PPIL4: variants seen among roughly 807,000 people sequenced by gnomAD.
PPIL4 encodes the protein peptidyl-prolyl cis-trans isomerase-like 4.
A neutral mutation model predicts 69.1 loss-of-function variants in PPIL4; 50 were observed. The observed-to-expected ratio is 0.72, with a 90% CI of 0.58 to 0.92. The LOEUF is 0.92. Among genes scored for constraint, PPIL4 ranks in the 40% least tolerant of loss-of-function variants. The pLI is 0.00. For synonymous variants in PPIL4, 193 were observed against 191.6 expected, an observed-to-expected ratio of 1.01 and a Z score of -0.06; for missense variants, 480 against 587.9, an observed-to-expected ratio of 0.82 and a Z score of 1.90.
At chr6:149,521,364 T>C (rs1472352425) in intron 9 of PPIL4, among the ~76,000 whole-genome samples, 193 bp from the exon 10 acceptor site, 1 of 152,212 alleles carries the variant, frequency 6.6e-6, no homozygotes, top group Admixed American at 6.5e-5. Flanking sequence ...GTACTATCCA[T>C]TTTCTTAATG....
rs1562263112 is a variant in PPIL4 at position 149,541,357 on chromosome 6, A to G, written c.203+10T>C. On this transcript the variant is annotated intron_variant, in intron 3 of 12. Coordinates refer to ENST00000253329, the MANE Select transcript of PPIL4 (RefSeq NM_139126.4). ...AATAAATAAATAAATAAATAAATAAAACAACTTACCCAAAGATAGACTCTC... is the reference window on the plus strand; with the variant it reads ...AATAAATAAATAAATAAATAAATAAGACAACTTACCCAAAGATAGACTCTC... 8.1e-7 allele frequency: 1 copy of G among 1,230,058 alleles called. No homozygotes were observed. The highest frequency in any genetic ancestry group is 1.1e-6 in the Non-Finnish European group (1 of 929,264). The allele number at this position is 1,230,058 out of a possible 1,614,324, so 76.2% of individuals were successfully genotyped here.
chr6:149,540,874 A>C (rs897742942), intron 4 of PPIL4, 68 bp downstream of exon 4: 4 of 984,386 alleles, frequency 4.1e-6, no homozygotes, highest in Non-Finnish European at 6.3e-6. Context: ...AGTTTAAAAA[A>C]TAACTCTGTG....
At chr6:149,533,334 A>T in intron 7 of PPIL4, 124 bp downstream of exon 7, 1 of 616,954 alleles carries the variant, frequency 1.6e-6, no homozygotes, top group Non-Finnish European at 2.8e-6. Context: ...TACCAAATTT[A>T]AATCAGAAAA....
At chr6:149,506,068 G>A (rs892370425) in intron 12 of PPIL4, among the ~76,000 whole-genome samples, 1 of 152,020 alleles carries the variant, frequency 6.6e-6, no homozygotes, top group Non-Finnish European at 1.5e-5. Flanking sequence ...CCCCCAAAAC[G>A]TGGTCCCATT....
rs768522278 is a variant in PPIL4, at chr6:149,534,651, A to G, written c.561+27T>C. ...ATACAAATCATTAATATGAATGTAC[A>G]TTTAATCATAAGAGGGCTTTACTTA... On this transcript the variant is annotated intron_variant, in intron 6 of 12. Coordinates refer to ENST00000253329, the MANE Select transcript of PPIL4 (RefSeq NM_139126.4). 8.6e-5 allele frequency: 97 copies of G among 1,128,916 alleles called. No individual in the cohort carries two copies. The South Asian group carries it at 1.2e-3, about 14-fold the overall frequency. 69.9% of individuals were successfully genotyped at this position (1,128,916 alleles called of 1,614,324 possible).
In PPIL4 at chr6:149,536,405, G is replaced by A. The variant is rs140112026; in HGVS notation, c.322-667C>T. ...AGGCACGTTGAAAGCCAAGATAAGCGGAAAGCTAGGCCTCTAGTACCAAAC... is the reference window on the plus strand; with the variant it reads ...AGGCACGTTGAAAGCCAAGATAAGCAGAAAGCTAGGCCTCTAGTACCAAAC... On this transcript the variant is annotated intron_variant, in intron 4 of 12. Coordinates refer to ENST00000253329, the MANE Select transcript of PPIL4 (RefSeq NM_139126.4). 3.1e-4 allele frequency among the ~76,000 whole-genome samples: 47 copies of A among 152,304 alleles called. 1 individual carries two copies. The East Asian group carries it at 7.1e-3, about 23-fold the overall frequency.
rs576855533 is a variant in PPIL4, at chr6:149,514,837, T to A, written c.1079+2517A>T. Reference sequence around the variant, plus strand: ...TTGGGTTAAGACAAAAACTGTATTTTTTTTAATTTTTTTTTTGAGACGGAG... The same window carrying A: ...TTGGGTTAAGACAAAAACTGTATTTATTTTAATTTTTTTTTTGAGACGGAG... On this transcript the variant is annotated intron_variant, in intron 11 of 12. Coordinates refer to ENST00000253329, the MANE Select transcript of PPIL4 (RefSeq NM_139126.4). Among the ~76,000 whole-genome samples the A allele has an allele frequency of 5.1e-3, 770 of 152,076 alleles. 5 individuals are homozygous for A. The highest frequency in any genetic ancestry group is 0.017 in the African/African-American group (698 of 41,456).
intron 9 of PPIL4, among the ~76,000 whole-genome samples, chr6:149,521,617 T>G (rs1474832348): frequency 6.6e-6 from 1 of 152,234 alleles, no homozygotes; most frequent in East Asian, 1.9e-4. Context: ...TGACCTTTTT[T>G]TATCCACTTA....
At chr6:149,544,464 T>A (rs1245728956) in intron 1 of PPIL4, among the ~76,000 whole-genome samples, 1 of 152,202 alleles carries the variant, frequency 6.6e-6, no homozygotes, top group Non-Finnish European at 1.5e-5. Context: ...GATATAGAGA[T>A]GATAATTATG....
chr6:149,537,417 T>A (rs575109314), intron 4 of PPIL4, among the ~76,000 whole-genome samples: 2 of 151,976 alleles, frequency 1.3e-5, no homozygotes, highest in Non-Finnish European at 2.9e-5. Context: ...TTAAGAATGA[T>A]GCTAAATCGG....
At chr6:149,528,885 T>C (rs1162935579) in intron 7 of PPIL4, among the ~76,000 whole-genome samples, 1 of 152,188 alleles carries the variant, frequency 6.6e-6, no homozygotes, top group South Asian at 2.1e-4. Flanking sequence ...GTAAAAAATA[T>C]ACAAGCTGTG....
intron 1 of PPIL4, among the ~76,000 whole-genome samples, chr6:149,542,023 T>C (rs1043747308): frequency 2.0e-5 from 3 of 151,008 alleles, no homozygotes; most frequent in South Asian, 2.1e-4. Context: ...CAAAATAAAA[T>C]AAAATAAAAT....
chr6:149,528,897 T>C (rs753265475), intron 7 of PPIL4, among the ~76,000 whole-genome samples: 1 of 152,186 alleles, frequency 6.6e-6, no homozygotes, highest in African/African-American at 2.4e-5. Flanking sequence ...CAAGCTGTGA[T>C]ACATCCATAC....
At position 149,542,942 on chromosome 6, in the gene PPIL4, A is replaced by G. The variant is rs1343172037; in HGVS notation, c.71-1356T>C. 1.7e-4 allele frequency among the ~76,000 whole-genome samples: 26 copies of G among 152,166 alleles called. 1 individual carries two copies. On this transcript the variant is annotated intron_variant, in intron 1 of 12. Coordinates refer to ENST00000253329, the MANE Select transcript of PPIL4 (RefSeq NM_139126.4). ...GGGCTGAGCTGTTGAAGAGTGCTGA[A>G]TATCAGTCTTGCAGTTGTTTTTCTT...
chr6:149,508,625 C>T (rs12665533), intron 12 of PPIL4, among the ~76,000 whole-genome samples: 29,648 of 152,008 alleles, frequency 0.2, 4,406 homozygotes, highest in East Asian at 0.77. Context: ...AGAAAAAGTA[C>T]AGTCAAGAAT....
At chr6:149,527,939 CA>C (rs1777135880) in intron 7 of PPIL4, among the ~76,000 whole-genome samples, 1 of 152,150 alleles carries the variant, frequency 6.6e-6, no homozygotes, top group Non-Finnish European at 1.5e-5. Flanking sequence ...TGAAGTCTAT[CA>C]AAAGACAACA....
intron 11 of PPIL4, among the ~76,000 whole-genome samples, chr6:149,514,524 G>A (rs924802680): frequency 5.3e-5 from 8 of 152,098 alleles, no homozygotes; most frequent in Non-Finnish European, 7.4e-5. Context: ...GTTTCGCCAC[G>A]TTGGCCAGGC....
chr6:149,528,160 C>T (rs1016851591), intron 7 of PPIL4, among the ~76,000 whole-genome samples: 2 of 152,258 alleles, frequency 1.3e-5, no homozygotes, highest in East Asian at 3.9e-4. Context: ...GTTGGATGGA[C>T]TGCTTGGGTT....
intron 8 of PPIL4, 30 bp from the exon 9 acceptor site, chr6:149,525,239 A>T: frequency 1.7e-6 from 2 of 1,176,298 alleles, no homozygotes; most frequent in Non-Finnish European, 2.4e-6. Context: ...AGTGACTTAA[A>T]AAAAAAAAAA....
Sources: allele counts gnomAD v4.1 joint callset (sites outside exome capture counted in the v4.1 genomes callset), GRCh38; gene constraint gnomAD v4.1.1; transcripts MANE v1.5; gene names NCBI Gene and HGNC (gene_info 2026-07-23, HGNC 2026-07-21).